The following NSG2 variants were observed in gnomAD, a reference collection of about 807,000 sequenced individuals.
NSG2 encodes neuronal vesicle trafficking-associated protein 2.
A neutral mutation model predicts 16.9 loss-of-function variants in NSG2; 4 were observed. The ratio of observed to expected loss-of-function variants is 0.24; its 90% CI spans 0.12 to 0.54. NSG2 has a LOEUF of 0.54. Ranked by LOEUF, NSG2 falls within the 20% of genes least tolerant of loss-of-function variation. The pLI is 0.95. For missense variants in NSG2, 179 were observed against 221.1 expected (o/e 0.81, Z 1.21); for synonymous variants, 98 against 88.7 (o/e 1.11, Z -0.59).
In NSG2 at chr5:174,097,043, C is replaced by G. The variant is rs554006961; in HGVS notation, c.214-7185C>G. 1.0e-3 allele frequency among the ~76,000 whole-genome samples: 152 copies of G among 152,228 alleles called. 3 individuals are homozygous for G. Among genetic ancestry groups the G allele is most frequent in the Middle Eastern group, 3.4e-3 (1 of 294 alleles). On this transcript the variant is annotated intron_variant, in intron 3 of 4. Coordinates refer to ENST00000303177, the MANE Select transcript of NSG2 (RefSeq NM_015980.5). The stretch of plus-strand genomic sequence containing the variant: ...ATAATTCTACTTCGTATGATTGTGA[C>G]GATAGTGTGCACTACGTTCCCAATA...
At chr5:174,089,155 T>C (rs1396416685) in intron 3 of NSG2, among the ~76,000 whole-genome samples, 1 of 152,168 alleles carries the variant, frequency 6.6e-6, no homozygotes, top group Non-Finnish European at 1.5e-5. Context: ...AGGAGGTCTG[T>C]CTATAAGGAC....
intron 3 of NSG2, among the ~76,000 whole-genome samples, chr5:174,089,140 T>C (rs1351542680): frequency 2.0e-5 from 3 of 152,190 alleles, no homozygotes; most frequent in Admixed American, 6.5e-5. Flanking sequence ...TAAGGCTCAC[T>C]GACAAGGAGG....
chr5:174,065,327 CAAA>C (rs144603912), intron 3 of NSG2, among the ~76,000 whole-genome samples: 1 of 120,646 alleles, frequency 8.3e-6, no homozygotes, highest in Admixed American at 8.6e-5. Flanking sequence ...GACTCCGTCT[CAAA>C]AAAAAAAAAA....
At chr5:174,106,650 A>G (rs1442352492) in intron 4 of NSG2, among the ~76,000 whole-genome samples, 1 of 125,138 alleles carries the variant, frequency 8.0e-6, no homozygotes, top group Non-Finnish European at 1.6e-5. Context: ...GCTGGAGTGC[A>G]GTGGTGCCAT....
chr5:174,061,112 T>C (rs183646675), intron 2 of NSG2, among the ~76,000 whole-genome samples: 75 of 151,602 alleles, frequency 4.9e-4, no homozygotes, highest in Admixed American at 2.2e-3. Context: ...TATATATTAA[T>C]AGATATGTTA....
intron 3 of NSG2, among the ~76,000 whole-genome samples, chr5:174,075,037 G>A (rs1240319985): frequency 1.3e-5 from 2 of 152,042 alleles, no homozygotes; most frequent in South Asian, 2.1e-4. Flanking sequence ...CAAATCCTTG[G>A]TTGGAGTAAT....
intron 3 of NSG2, among the ~76,000 whole-genome samples, chr5:174,090,990 A>G (rs1471630276): frequency 6.7e-6 from 1 of 150,268 alleles, no homozygotes; most frequent in Non-Finnish European, 1.5e-5. Context: ...TTCCAAACCA[A>G]CTTTGCTGAT....
At chr5:174,077,129 A>G (rs1483605591) in intron 3 of NSG2, among the ~76,000 whole-genome samples, 1 of 152,240 alleles carries the variant, frequency 6.6e-6, no homozygotes, top group Non-Finnish European at 1.5e-5. Flanking sequence ...ACAACCCTAA[A>G]CAGACCCAAT....
intron 3 of NSG2, among the ~76,000 whole-genome samples, chr5:174,067,637 G>C (rs750963035): frequency 2.0e-5 from 3 of 152,174 alleles, no homozygotes; most frequent in African/African-American, 4.8e-5. Flanking sequence ...TAATTAGCCT[G>C]GTTTTTCACT....
intron 2 of NSG2, among the ~76,000 whole-genome samples, chr5:174,059,228 T>A (rs1760012109): frequency 6.6e-6 from 1 of 152,238 alleles, no homozygotes; most frequent in Admixed American, 6.5e-5. Context: ...CCTCTTGGTA[T>A]CTAATTTCTT....
chr5:174,089,118 A>G (rs994100336), intron 3 of NSG2, among the ~76,000 whole-genome samples: 52 of 152,166 alleles, frequency 3.4e-4, no homozygotes, highest in Non-Finnish European at 6.9e-4. Context: ...GAATCCCACC[A>G]CTCTTGCCTT....
chr5:174,097,882 T>C (rs1760832090), intron 3 of NSG2, among the ~76,000 whole-genome samples: 1 of 151,898 alleles, frequency 6.6e-6, no homozygotes, highest in Non-Finnish European at 1.5e-5. Flanking sequence ...TCTGTGTGTC[T>C]GTCTCTCTGG....
intron 3 of NSG2, among the ~76,000 whole-genome samples, chr5:174,076,827 C>T (rs958702933): frequency 5.3e-5 from 8 of 152,092 alleles, no homozygotes; most frequent in Non-Finnish European, 1.0e-4. Flanking sequence ...AGCTAAACAC[C>T]CTATGATACA....
chr5:174,102,935 C>T (rs1289231965), intron 3 of NSG2, among the ~76,000 whole-genome samples: 7 of 143,148 alleles, frequency 4.9e-5, no homozygotes, highest in South Asian at 2.3e-4. Context: ...CCTGCCACCA[C>T]CCTGGCTTTT....
At chr5:174,056,722 T>C (rs1192472644) in intron 2 of NSG2, 1 of 152,270 alleles carries the variant, frequency 6.6e-6, no homozygotes, top group African/African-American at 2.4e-5. Flanking sequence ...ATTTTTGGAC[T>C]GTGCAAGTCC....
intron 3 of NSG2, among the ~76,000 whole-genome samples, chr5:174,076,217 C>T (rs535527004): frequency 9.8e-5 from 15 of 152,328 alleles, no homozygotes; most frequent in East Asian, 5.8e-4. Flanking sequence ...GCACAGCGCC[C>T]GGCATGCAGT....
chr5:174,051,707 GAGAA>G (rs1292949966), intron 2 of NSG2, among the ~76,000 whole-genome samples: 1 of 152,236 alleles, frequency 6.6e-6, no homozygotes, highest in East Asian at 1.9e-4. Context: ...CCAGTCCAAT[GAGAA>G]AGAGAGACTT....
chr5:174,096,089 C>T (rs1409140379), intron 3 of NSG2, among the ~76,000 whole-genome samples: 1 of 152,234 alleles, frequency 6.6e-6, no homozygotes, highest in African/African-American at 2.4e-5. Flanking sequence ...TACAATACCA[C>T]CTACCTCATA....
At chr5:174,079,446 C>T (rs113505754) in intron 3 of NSG2, among the ~76,000 whole-genome samples, 3 of 152,018 alleles carry the variant, frequency 2.0e-5, no homozygotes, top group Non-Finnish European at 2.9e-5. Flanking sequence ...TTAGTAGAGA[C>T]GGGGTTTCAC....
Sources: allele counts gnomAD v4.1 joint callset (sites outside exome capture counted in the v4.1 genomes callset), GRCh38; gene constraint gnomAD v4.1.1; transcripts MANE v1.5; gene names NCBI Gene and HGNC (gene_info 2026-07-23, HGNC 2026-07-21).